ZRANB3: variants seen among roughly 807,000 people sequenced by gnomAD.
The protein encoded by ZRANB3 is DNA annealing helicase and endonuclease ZRANB3.
A neutral mutation model predicts 133.8 loss-of-function variants in ZRANB3; 125 were observed. The observed-to-expected ratio is 0.93, with a 90% CI of 0.81 to 1.08. The LOEUF (loss-of-function observed/expected upper bound fraction) is 1.08. ZRANB3 is among the 50% of genes least tolerant of loss of function. The pLI is 0.00. For synonymous variants in ZRANB3, 387 were observed against 432.7 expected (o/e 0.89, Z 1.31); for missense variants, 1,229 against 1,275.5 (o/e 0.96, Z 0.56).
chr2:135,462,582 CCT>C (rs746297328), intron 2 of ZRANB3, among the ~76,000 whole-genome samples: 13 of 149,264 alleles, frequency 8.7e-5, no homozygotes, highest in Admixed American at 1.3e-4. Flanking sequence ...TTCCTCCCTC[CCT>C]CTCTCTCTCT....
intron 17 of ZRANB3, among the ~76,000 whole-genome samples, chr2:135,215,828 G>T (rs1207940584): frequency 6.6e-6 from 1 of 152,020 alleles, no homozygotes; most frequent in Non-Finnish European, 1.5e-5. Flanking sequence ...ATTCTGTTTT[G>T]GGGGGTGCAA....
At chr2:135,445,550 T>C (rs1689982684) in intron 2 of ZRANB3, among the ~76,000 whole-genome samples, 2 of 152,226 alleles carry the variant, frequency 1.3e-5, no homozygotes, top group South Asian at 4.2e-4. Context: ...CAGAGCAATG[T>C]TCTTGAGTAC....
In ZRANB3 at chr2:135,199,088, TTA is replaced by T. The variant is rs1693513885; in HGVS notation, c.*1252_*1253del. ...CCCTGGGTTTGTTTCATCGTCACTCTTATTTTATGTCAATTACATTTTAATGT... is the reference window on the plus strand; with the variant it reads ...CCCTGGGTTTGTTTCATCGTCACTCTTTTTATGTCAATTACATTTTAATGT... On this transcript the variant is annotated 3_prime_UTR_variant, in exon 21 of 21. Coordinates refer to ENST00000264159, the MANE Select transcript of ZRANB3 (RefSeq NM_032143.4). The T allele has an allele frequency of 6.6e-6, 1 of 152,250 alleles. No individual in the cohort carries two copies. The highest frequency in any genetic ancestry group is 1.9e-4 in the East Asian group (1 of 5,204). The allele number at this position is 152,250 out of a possible 1,614,324, so 9.4% of individuals were successfully genotyped here. A position where few individuals can be genotyped will look rare whatever the true frequency, so the allele number is the denominator to read the frequency against.
chr2:135,514,709 T>A (rs923195328), intron 1 of ZRANB3, among the ~76,000 whole-genome samples: 7 of 152,208 alleles, frequency 4.6e-5, no homozygotes, highest in African/African-American at 1.4e-4. Context: ...GGCATCCTTG[T>A]GTGCCAGCTT....
chr2:135,519,773 A>G (rs16831779), intron 1 of ZRANB3, among the ~76,000 whole-genome samples: 10,818 of 152,230 alleles, frequency 0.071, 808 homozygotes, highest in African/African-American at 0.19. Flanking sequence ...ATATTATTAC[A>G]TGCAGTTCTG....
At chr2:135,420,202 C>T (rs1467267360) in intron 2 of ZRANB3, among the ~76,000 whole-genome samples, 1 of 149,234 alleles carries the variant, frequency 6.7e-6, no homozygotes, top group Non-Finnish European at 1.5e-5. Context: ...GTATCTGGGG[C>T]ACTCCTGAGG....
At chr2:135,261,081 T>C (rs1679941258) in intron 12 of ZRANB3, among the ~76,000 whole-genome samples, 1 of 151,226 alleles carries the variant, frequency 6.6e-6, no homozygotes, top group African/African-American at 2.4e-5. Flanking sequence ...TAAAAATTTT[T>C]GAGTCAAAGA....
At chr2:135,422,643 G>A (rs766596889) in intron 2 of ZRANB3, among the ~76,000 whole-genome samples, 6 of 152,116 alleles carry the variant, frequency 3.9e-5, no homozygotes, top group African/African-American at 1.4e-4. Flanking sequence ...GACCAGAAAA[G>A]CAACCTGATT....
chr2:135,505,227 A>G (rs1693121936), intron 1 of ZRANB3, among the ~76,000 whole-genome samples: 1 of 152,058 alleles, frequency 6.6e-6, no homozygotes, highest in African/African-American at 2.4e-5. Context: ...AAATAATAAT[A>G]TTTTGTATTT....
intron 2 of ZRANB3, among the ~76,000 whole-genome samples, chr2:135,491,842 G>C (rs1692392906): frequency 6.6e-6 from 1 of 152,052 alleles, no homozygotes; most frequent in Non-Finnish European, 1.5e-5. Flanking sequence ...AATGAAAAGT[G>C]TAAGTATTAT....
At chr2:135,282,165 T>C (rs1025479960) in intron 8 of ZRANB3, among the ~76,000 whole-genome samples, 4 of 152,242 alleles carry the variant, frequency 2.6e-5, no homozygotes, top group Admixed American at 2.6e-4. Context: ...TAATAACTTA[T>C]TTATTTTGTG....
Position 135,390,821 on chromosome 2 carries a change from C to A in ZRANB3, c.162-1G>T. 1 of 1,494,372 alleles carries A rather than the reference C, an allele frequency of 6.7e-7. No homozygotes were observed. The highest frequency in any genetic ancestry group is 8.9e-7 in the Non-Finnish European group (1 of 1,128,862). 92.6% of individuals were successfully genotyped at this position (1,494,372 alleles called of 1,614,324 possible). A position where few individuals can be genotyped will look rare whatever the true frequency, so the allele number is the denominator to read the frequency against. ...ACTTACTTCATCAGCCACCATACAC[C>A]TGGAAAAAAAAAAAAAAAAAAATTA... On this transcript the variant is annotated splice_acceptor_variant, in intron 2 of 20. Transcript: ENST00000264159. LOFTEE classifies it high-confidence loss of function.
chr2:135,366,773 C>T lies in ZRANB3; in HGVS notation c.181-13145G>A, dbSNP rs1051337287. On this transcript the variant is annotated intron_variant, in intron 3 of 20. Coordinates refer to ENST00000264159, the MANE Select transcript of ZRANB3 (RefSeq NM_032143.4). The stretch of plus-strand genomic sequence containing the variant: ...GTGGCTCACGCCTGTAATCCCAGCA[C>T]TTTGGGAGACCGAGGTGGGTGGATC... 5.9e-4 allele frequency among the ~76,000 whole-genome samples: 90 copies of T among 152,012 alleles called. 2 individuals carry two copies. Among genetic ancestry groups the T allele is most frequent in the Non-Finnish European group, 1.9e-4 (13 of 68,002 alleles).
intron 3 of ZRANB3, among the ~76,000 whole-genome samples, chr2:135,357,255 C>T (rs530278595): frequency 6.6e-6 from 1 of 152,042 alleles, no homozygotes; most frequent in East Asian, 1.9e-4. Context: ...CGAGTGCCAC[C>T]ACGCCTGGCT....
intron 8 of ZRANB3, among the ~76,000 whole-genome samples, chr2:135,302,528 GT>G (rs34855515): frequency 0.15 from 21,461 of 141,104 alleles, 4,158 homozygotes; most frequent in African/African-American, 0.48. Context: ...ACCAGGGTTT[GT>G]TTTTTTTTTT....
intron 1 of ZRANB3, among the ~76,000 whole-genome samples, chr2:135,528,198 G>A (rs1184978800): frequency 6.6e-6 from 1 of 151,926 alleles, no homozygotes; most frequent in African/African-American, 2.4e-5. Context: ...CCCCAGGCTG[G>A]AGTGCAGTGG....
At chr2:135,390,054 A>G (rs758595445) in intron 3 of ZRANB3, among the ~76,000 whole-genome samples, 4 of 151,296 alleles carry the variant, frequency 2.6e-5, no homozygotes, top group African/African-American at 4.9e-5. Flanking sequence ...CTAAATTTTT[A>G]TATTTTAATA....
chr2:135,265,508 GAA>G (rs1466578169), intron 12 of ZRANB3, 24 bp downstream of exon 12: 1 of 1,555,040 alleles, frequency 6.4e-7, no homozygotes, highest in East Asian at 2.3e-5. Context: ...AAAAAAAATA[GAA>G]AAGAGTAAGG....
At chr2:135,460,264 C>CTT (rs34897781) in intron 2 of ZRANB3, among the ~76,000 whole-genome samples, 5 of 145,056 alleles carry the variant, frequency 3.4e-5, no homozygotes, top group African/African-American at 1.3e-4. Context: ...AAACAGCTAA[C>CTT]TTTTTTTTTT....
Sources: allele counts gnomAD v4.1 joint callset (sites outside exome capture counted in the v4.1 genomes callset), GRCh38; gene constraint gnomAD v4.1.1; transcripts MANE v1.5; gene names NCBI Gene and HGNC (gene_info 2026-07-23, HGNC 2026-07-21).